AVEN: variants seen among roughly 807,000 people sequenced by gnomAD.
AVEN encodes the protein cell death regulator Aven.
In AVEN, 41 loss-of-function variants were observed where a neutral mutation model predicts 38.1. The observed-to-expected ratio is 1.08, with a 90% CI of 0.84 to 1.40. AVEN has a LOEUF of 1.40. Among genes scored for constraint, AVEN ranks in the 40% most tolerant of loss-of-function variants. The probability of loss-of-function intolerance (pLI) is 0.00; values close to 1 mark genes in which losing one functional copy is unlikely to be tolerated. For missense variants in AVEN, 605 were observed against 438.8 expected (o/e 1.38, Z -3.38); for synonymous variants, 206 against 171.8 (o/e 1.20, Z -1.56).
intron 2 of AVEN, among the ~76,000 whole-genome samples, chr15:33,989,450 T>TAA (rs568555472): frequency 1.6e-4 from 23 of 142,492 alleles, no homozygotes; most frequent in South Asian, 4.4e-4. Context: ...GTTTGGAGTT[T>TAA]AAAAAAAAAA....
chr15:33,940,448 G>T (rs1408597668), intron 2 of AVEN, among the ~76,000 whole-genome samples: 4 of 152,122 alleles, frequency 2.6e-5, no homozygotes, highest in Non-Finnish European at 4.4e-5. Flanking sequence ...GTACTGCGTC[G>T]CCAAGTACCT....
At chr15:33,911,188 C>A (rs750993072) in intron 2 of AVEN, among the ~76,000 whole-genome samples, 2 of 152,178 alleles carry the variant, frequency 1.3e-5, no homozygotes, top group Non-Finnish European at 2.9e-5. Flanking sequence ...TCAAAACCAC[C>A]GCTGCCAATA....
At chr15:33,908,246 C>CTCCCCATTCTCTCTCACCCCGAACCCTGG (rs369000628) in intron 2 of AVEN, among the ~76,000 whole-genome samples, 18 of 112,026 alleles carry the variant, frequency 1.6e-4, no homozygotes, top group East Asian at 5.7e-4. Flanking sequence ...TTACACATAA[C>CTCCCCATTCTCTCTCACCCCGAACCCTGG]CAGGATTCTT....
intron 2 of AVEN, chr15:33,990,964 A>G (rs1405141608): frequency 1.3e-5 from 2 of 152,182 alleles, no homozygotes; most frequent in Admixed American, 1.3e-4. Context: ...TTTTCCAAAC[A>G]AACCTCCCTC....
At chr15:33,930,897 G>C (rs1030720509) in intron 2 of AVEN, among the ~76,000 whole-genome samples, 4 of 148,586 alleles carry the variant, frequency 2.7e-5, no homozygotes, top group Non-Finnish European at 5.9e-5. Flanking sequence ...GGAGCTTGCA[G>C]TGAGCCAAGA....
chr15:33,870,161 C>T (rs900705278), intron 4 of AVEN, among the ~76,000 whole-genome samples: 7 of 152,098 alleles, frequency 4.6e-5, no homozygotes, highest in African/African-American at 1.7e-4. Context: ...TTTGAAGTAC[C>T]TCAGTACAGC....
chr15:34,011,191 C>CA (rs929016019), intron 1 of AVEN, among the ~76,000 whole-genome samples: 1 of 147,562 alleles, frequency 6.8e-6, no homozygotes, highest in Non-Finnish European at 1.5e-5. Context: ...GACTCTGTCT[C>CA]AAAAAAAACT....
At chr15:34,057,282 A>G (rs1900191829) in intron 5 of AVEN, among the ~76,000 whole-genome samples, 2 of 148,272 alleles carry the variant, frequency 1.3e-5, no homozygotes, top group South Asian at 2.2e-4. Flanking sequence ...GAATATAGGC[A>G]CATGCCACCA....
chr15:33,858,005 C>T (rs2079883168), downstream of AVEN: 22 of 1,508,384 alleles, frequency 1.5e-5, no homozygotes, highest in South Asian at 2.6e-4. Context: ...TGTGGGGGTG[C>T]TCTTGAGAAC....
intron 1 of AVEN, among the ~76,000 whole-genome samples, chr15:34,018,876 T>G (rs1567470770): frequency 6.9e-6 from 1 of 143,990 alleles, no homozygotes; most frequent in Non-Finnish European, 1.5e-5. Flanking sequence ...GCATTTATAA[T>G]CCTTTAGCTA....
chr15:34,014,262 G>GTAACCCCAC (rs2140677879), intron 1 of AVEN, among the ~76,000 whole-genome samples: 1 of 151,666 alleles, frequency 6.6e-6, no homozygotes, highest in South Asian at 2.1e-4. Context: ...TACTTGGGAG[G>GTAACCCCAC]CTGAGGCAGG....
chr15:33,891,520 G>C lies in AVEN; in HGVS notation c.446-15525C>G, dbSNP rs530655688. On this transcript the variant is annotated intron_variant, in intron 2 of 5. Coordinates refer to ENST00000306730, the MANE Select transcript of AVEN (RefSeq NM_020371.3). ...TCTGTGATAGTCTGCTGAGAATGATGGTTTCCAGCTTCATTCATGTCCCTG... is the reference window on the plus strand; with the variant it reads ...TCTGTGATAGTCTGCTGAGAATGATCGTTTCCAGCTTCATTCATGTCCCTG... Among the ~76,000 whole-genome samples the C allele has an allele frequency of 2.5e-4, 38 of 152,206 alleles. 1 individual carries two copies. The South Asian group carries it at 7.9e-3, about 32-fold the overall frequency.
chr15:33,923,927 T>C (rs908170962), intron 2 of AVEN, among the ~76,000 whole-genome samples: 4 of 150,948 alleles, frequency 2.6e-5, no homozygotes, highest in African/African-American at 4.9e-5. Flanking sequence ...CAGGTGTGAC[T>C]ATCTAGTTGC....
At chr15:34,040,417 G>A (rs758405451), upstream of AVEN, among the ~76,000 whole-genome samples, 3 of 152,174 alleles carry the variant, frequency 2.0e-5, no homozygotes, top group Non-Finnish European at 4.4e-5. Context: ...GAGTAGGGGC[G>A]CCTTCCAGAC....
At chr15:33,936,161 C>A (rs1426148759) in intron 2 of AVEN, among the ~76,000 whole-genome samples, 2 of 151,762 alleles carry the variant, frequency 1.3e-5, no homozygotes, top group Non-Finnish European at 2.9e-5. Flanking sequence ...CAAGGATGGC[C>A]TCTATCACTG....
At chr15:34,025,665 T>G (rs766751422) in intron 1 of AVEN, among the ~76,000 whole-genome samples, 65 of 152,084 alleles carry the variant, frequency 4.3e-4, no homozygotes, top group Admixed American at 9.8e-4. Flanking sequence ...CACATTGAAG[T>G]GTTTAGGGGT....
At chr15:34,066,048 G>T (rs1900502178) in exon 4 of AVEN, 7 of 152,260 alleles carry the variant, frequency 4.6e-5, no homozygotes, top group Admixed American at 4.6e-4. Flanking sequence ...GAGGCTTCAG[G>T]GTAGTAGAAT....
intron 2 of AVEN, among the ~76,000 whole-genome samples, chr15:33,897,391 A>G (rs2153042177): frequency 6.6e-6 from 1 of 152,112 alleles, no homozygotes; most frequent in South Asian, 2.1e-4. Context: ...TCCACCTCCC[A>G]GGTGCAAGCA....
intron 2 of AVEN, among the ~76,000 whole-genome samples, chr15:33,948,962 C>A (rs565296864): frequency 6.6e-6 from 1 of 152,216 alleles, no homozygotes; most frequent in African/African-American, 2.4e-5. Context: ...CGTGAGCCAC[C>A]GTGCCTGGCT....
Sources: allele counts gnomAD v4.1 joint callset (sites outside exome capture counted in the v4.1 genomes callset), GRCh38; gene constraint gnomAD v4.1.1; transcripts MANE v1.5; gene names NCBI Gene and HGNC (gene_info 2026-07-23, HGNC 2026-07-21).